Variants in CWC27 observed in about 807,000 individuals in gnomAD.
CWC27 encodes the protein spliceosome-associated protein CWC27 homolog.
In CWC27, 47 loss-of-function variants were observed where a neutral mutation model predicts 63.6. The observed-to-expected ratio is 0.74, with a 90% CI of 0.58 to 0.94. CWC27 has a LOEUF of 0.94. CWC27 is among the 40% of genes least tolerant of loss of function. CWC27 has a pLI of 0.00. For synonymous variants in CWC27, 175 were observed against 179.8 expected, an observed-to-expected ratio of 0.97 and a Z score of 0.22; for missense variants, 495 against 554.3, an observed-to-expected ratio of 0.89 and a Z score of 1.07.
intron 10 of CWC27, among the ~76,000 whole-genome samples, chr5:64,831,357 C>T (rs1028466623): frequency 2.0e-5 from 3 of 151,572 alleles, no homozygotes; most frequent in Non-Finnish European, 4.4e-5. Context: ...TATATACACA[C>T]TCACTCACAC....
chr5:64,830,467 TA>T (rs971386846), intron 10 of CWC27, among the ~76,000 whole-genome samples: 5 of 152,108 alleles, frequency 3.3e-5, no homozygotes, highest in African/African-American at 1.2e-4. Context: ...CCTAAAACCA[TA>T]AAAACCCTAG....
chr5:64,943,040 A>G (rs1748517506), intron 11 of CWC27, among the ~76,000 whole-genome samples: 1 of 152,240 alleles, frequency 6.6e-6, no homozygotes, highest in Admixed American at 6.5e-5. Context: ...TAAAGAAAAA[A>G]GCAGACATTG....
At chr5:64,858,506 C>T (rs1353625341) in intron 10 of CWC27, among the ~76,000 whole-genome samples, 3 of 149,144 alleles carry the variant, frequency 2.0e-5, no homozygotes, top group Admixed American at 2.0e-4. Context: ...TAGGAAGCCA[C>T]AGATTCAGAG....
chr5:64,811,853 G>A (rs1744887226), intron 10 of CWC27, among the ~76,000 whole-genome samples: 1 of 152,010 alleles, frequency 6.6e-6, no homozygotes. Context: ...TGTGGAGCAT[G>A]GGATAATAGA....
At chr5:64,844,130 AT>A (rs139761745) in intron 10 of CWC27, among the ~76,000 whole-genome samples, 5,553 of 152,024 alleles carry the variant, frequency 0.037, 358 homozygotes, top group African/African-American at 0.13. Context: ...CCAGATGGAG[AT>A]TTTTTTCCCT....
At chr5:64,975,518 AC>A in intron 12 of CWC27, among the ~76,000 whole-genome samples, 1 of 152,064 alleles carries the variant, frequency 6.6e-6, no homozygotes, top group South Asian at 2.1e-4. Context: ...GAATAGAAAA[AC>A]CTTTTTCTAG....
At chr5:64,780,928 T>C (rs545517667) in intron 2 of CWC27, among the ~76,000 whole-genome samples, 2 of 152,228 alleles carry the variant, frequency 1.3e-5, no homozygotes, top group Admixed American at 1.3e-4. Context: ...ACTAATAATA[T>C]TGAGCATCTT....
intron 11 of CWC27, among the ~76,000 whole-genome samples, chr5:64,960,963 C>T (rs1748898330): frequency 6.6e-6 from 1 of 151,668 alleles, no homozygotes; most frequent in African/African-American, 2.4e-5. Flanking sequence ...CTACTTAGAG[C>T]TGATAGCTCC....
chr5:64,918,099 G>C (rs1747926117), intron 11 of CWC27, among the ~76,000 whole-genome samples: 1 of 151,998 alleles, frequency 6.6e-6, no homozygotes, highest in Admixed American at 6.6e-5. Context: ...AACAGGGAAG[G>C]AAAGAGAGGA....
At chr5:64,911,990 C>T (rs1029901870) in intron 11 of CWC27, among the ~76,000 whole-genome samples, 3 of 149,612 alleles carry the variant, frequency 2.0e-5, no homozygotes, top group Non-Finnish European at 3.0e-5. Context: ...AGGAGAATGG[C>T]GTGAACCCAG....
chr5:64,839,693 G>A (rs906736703), intron 10 of CWC27, among the ~76,000 whole-genome samples: 3 of 152,100 alleles, frequency 2.0e-5, no homozygotes, highest in Admixed American at 2.0e-4. Context: ...TTTCTTTTGG[G>A]ATCTATTTAA....
At chr5:64,991,595 G>A (rs148949432) in intron 13 of CWC27, among the ~76,000 whole-genome samples, 156 of 152,170 alleles carry the variant, frequency 1.0e-3, no homozygotes, top group African/African-American at 3.6e-3. Context: ...GTGTGGTGGT[G>A]TGCATCTATA....
chr5:64,918,034 GA>G (rs1747924657), intron 11 of CWC27, among the ~76,000 whole-genome samples: 6 of 150,768 alleles, frequency 4.0e-5, no homozygotes, highest in South Asian at 4.2e-4. Flanking sequence ...AACAAAACTT[GA>G]AAAAAAAATT....
In CWC27 at chr5:64,781,851, G is replaced by C. The variant is rs755922263; in HGVS notation, c.140-70G>C. 5.0e-5 allele frequency: 35 copies of C among 697,372 alleles called. No individual in the cohort carries two copies. In the Admixed American group the frequency reaches 8.4e-4, roughly 17 times the overall value. 43.2% of individuals were successfully genotyped at this position (697,372 alleles called of 1,614,324 possible). A position where few individuals can be genotyped will look rare whatever the true frequency, so the allele number is the denominator to read the frequency against. On this transcript the variant is annotated intron_variant, in intron 2 of 13. Transcript: ENST00000381070. ...GAAAATAAATCTTTTGACTCTAGCT[G>C]TATTAATTTTGGTAACTGTAGAGAT...
At chr5:64,863,152 C>T (rs1316110347) in intron 10 of CWC27, among the ~76,000 whole-genome samples, 2 of 152,118 alleles carry the variant, frequency 1.3e-5, no homozygotes, top group East Asian at 3.9e-4. Flanking sequence ...TAGAATGACT[C>T]ACGTTCTGGA....
intron 11 of CWC27, among the ~76,000 whole-genome samples, chr5:64,891,771 TTTG>T (rs56101875): frequency 0.045 from 6,705 of 147,700 alleles, 239 homozygotes; most frequent in African/African-American, 0.1. Flanking sequence ...CTTGGGATAC[TTTG>T]TTGTTGTTGT....
intron 1 of CWC27, among the ~76,000 whole-genome samples, chr5:64,771,336 A>G (rs1743247536): frequency 6.6e-6 from 1 of 152,244 alleles, no homozygotes; most frequent in African/African-American, 2.4e-5. Context: ...AGACATTCAG[A>G]GTAAATGGGA....
At chr5:64,892,291 C>T (rs1338833097) in intron 11 of CWC27, among the ~76,000 whole-genome samples, 1 of 151,906 alleles carries the variant, frequency 6.6e-6, no homozygotes, top group East Asian at 1.9e-4. Flanking sequence ...TGTGTCATTC[C>T]TGACCCAGTA....
intron 10 of CWC27, among the ~76,000 whole-genome samples, chr5:64,838,134 A>G (rs145243523): frequency 9.9e-5 from 15 of 152,162 alleles, no homozygotes; most frequent in Admixed American, 5.9e-4. Context: ...TGCTTTTACT[A>G]TCTTAGTTTT....
Sources: allele counts gnomAD v4.1 joint callset (sites outside exome capture counted in the v4.1 genomes callset), GRCh38; gene constraint gnomAD v4.1.1; transcripts MANE v1.5; gene names NCBI Gene and HGNC (gene_info 2026-07-23, HGNC 2026-07-21).